Variants in CCDC57 observed in about 807,000 individuals in gnomAD.
CCDC57 encodes coiled-coil domain-containing protein 57.
A neutral mutation model predicts 118.9 loss-of-function variants in CCDC57; 118 were observed. That is an observed-to-expected ratio of 0.99 (90% CI 0.86 to 1.16). CCDC57 has a LOEUF of 1.16. Ranked by LOEUF, CCDC57 falls within the 50% of genes most tolerant of loss-of-function variation. CCDC57 has a pLI of 0.00. For missense variants in CCDC57, 1,300 were observed against 1,320.7 expected (o/e 0.98, Z 0.24); for synonymous variants, 527 against 532.9 (o/e 0.99, Z 0.15).
At chr17:82,157,431 G>A in intron 15 of CCDC57, 13 of 1,326,520 alleles carry the variant, frequency 9.8e-6, no homozygotes, top group Non-Finnish European at 1.3e-5. Context: ...AAGCAAACAT[G>A]AGCCACCTTC....
At chr17:82,195,926 G>A (rs1339167693) in intron 4 of CCDC57, among the ~76,000 whole-genome samples, 25 of 152,168 alleles carry the variant, frequency 1.6e-4, no homozygotes, top group Non-Finnish European at 2.5e-4. Flanking sequence ...AAAACGTCAC[G>A]TTTCCTTCTT....
chr17:82,184,379 C>T (rs1342982531), intron 8 of CCDC57, among the ~76,000 whole-genome samples: 4 of 152,198 alleles, frequency 2.6e-5, no homozygotes, highest in Non-Finnish European at 4.4e-5. Flanking sequence ...AGACATTCAG[C>T]ACATTTTCAA....
intron 13 of CCDC57, among the ~76,000 whole-genome samples, chr17:82,169,989 T>C (rs1242935482): frequency 6.6e-6 from 1 of 152,078 alleles, no homozygotes; most frequent in Non-Finnish European, 1.5e-5. Context: ...TAAAAAAATC[T>C]ATGACAAAGG....
intron 2 of CCDC57, among the ~76,000 whole-genome samples, chr17:82,203,064 G>C (rs975365900): frequency 1.3e-5 from 2 of 152,224 alleles, no homozygotes; most frequent in African/African-American, 4.8e-5. Flanking sequence ...GGGGGAGCTG[G>C]GGCCTGGTGG....
intron 16 of CCDC57, among the ~76,000 whole-genome samples, chr17:82,146,837 G>A (rs532706213): frequency 6.6e-5 from 10 of 152,108 alleles, no homozygotes; most frequent in Middle Eastern, 3.4e-3. Context: ...ACATACAAAC[G>A]CACATGCACA....
intron 8 of CCDC57, among the ~76,000 whole-genome samples, chr17:82,185,701 A>G (rs1226398065): frequency 6.7e-6 from 1 of 149,816 alleles, no homozygotes; most frequent in African/African-American, 2.5e-5. Flanking sequence ...CCAGCACAAA[A>G]CTGCTGAAAA....
chr17:82,127,325 C>G (rs2037597738), intron 19 of CCDC57: 1 of 985,142 alleles, frequency 1.0e-6, no homozygotes, highest in Admixed American at 6.2e-5. Flanking sequence ...CTAAAGTGCA[C>G]CAATGCCCAC....
At chr17:82,199,329 T>G (rs1439972754) in intron 3 of CCDC57, among the ~76,000 whole-genome samples, 2 of 151,248 alleles carry the variant, frequency 1.3e-5, no homozygotes, top group Non-Finnish European at 2.9e-5. Flanking sequence ...AATACAAAAA[T>G]TAGCCGGGCA....
At chr17:82,177,541 G>A (rs2045684692) in intron 11 of CCDC57, among the ~76,000 whole-genome samples, 2 of 152,132 alleles carry the variant, frequency 1.3e-5, no homozygotes, top group Non-Finnish European at 1.5e-5. Context: ...AAGCGAGACC[G>A]AGACCGTGTC....
chr17:82,210,499 C>T (rs536041683), intron 1 of CCDC57, among the ~76,000 whole-genome samples: 51 of 147,642 alleles, frequency 3.5e-4, no homozygotes, highest in African/African-American at 1.3e-3. Flanking sequence ...TGGTGAAACC[C>T]CGTCTCTACT....
chr17:82,127,407 C>A, intron 19 of CCDC57: 1 of 982,790 alleles, frequency 1.0e-6, no homozygotes, highest in African/African-American at 1.8e-5. Flanking sequence ...AGTCAGCCTG[C>A]GCCCGGGTGT....
chr17:82,210,993 T>TAA (rs1207759837), intron 1 of CCDC57, among the ~76,000 whole-genome samples: 1 of 68,854 alleles, frequency 1.5e-5, no homozygotes, highest in Non-Finnish European at 2.8e-5. Flanking sequence ...GACTCCGTCT[T>TAA]AAAAAAAAAA....
At chr17:82,190,816 T>A (rs1310683903) in intron 7 of CCDC57, among the ~76,000 whole-genome samples, 1 of 150,606 alleles carries the variant, frequency 6.6e-6, no homozygotes, top group Non-Finnish European at 1.5e-5. Context: ...ATAATGCCTC[T>A]AATTCAACCT....
chr17:82,177,133 G>A (rs1044999775), intron 11 of CCDC57, among the ~76,000 whole-genome samples: 11 of 151,884 alleles, frequency 7.2e-5, no homozygotes, highest in African/African-American at 1.9e-4. Flanking sequence ...TAATCTGAGC[G>A]CTTTGGGAGG....
At chr17:82,198,071 C>T (rs2048521092) in intron 4 of CCDC57, among the ~76,000 whole-genome samples, 1 of 152,152 alleles carries the variant, frequency 6.6e-6, no homozygotes, top group Admixed American at 6.5e-5. Context: ...CTGGAGAACC[C>T]TGACTAATCC....
chr17:82,198,316 G>T, exon 4 of CCDC57: 1 of 1,604,940 alleles, frequency 6.2e-7, no homozygotes, highest in South Asian at 1.1e-5. Flanking sequence ...GGCTCTACCT[G>T]TCTCTGCAGA....
intron 14 of CCDC57, among the ~76,000 whole-genome samples, 170 bp from the exon 14 acceptor site, chr17:82,158,118 C>T (rs931935339): frequency 1.4e-4 from 22 of 152,214 alleles, no homozygotes; most frequent in Admixed American, 1.2e-3. Context: ...CCCCCAACCA[C>T]GGCCACTGCT....
chr17:82,194,502 G>T (rs1185208336), intron 5 of CCDC57, among the ~76,000 whole-genome samples: 1 of 151,898 alleles, frequency 6.6e-6, no homozygotes, highest in Admixed American at 6.6e-5. Context: ...GTAGAGACAG[G>T]GTTTCCCATG....
chr17:82,189,882 C>T (rs529556058), intron 7 of CCDC57, among the ~76,000 whole-genome samples: 1 of 151,850 alleles, frequency 6.6e-6, no homozygotes, highest in Non-Finnish European at 1.5e-5. Flanking sequence ...TGGTGGCATG[C>T]GCCTGTAATC....
Sources: allele counts gnomAD v4.1 joint callset (sites outside exome capture counted in the v4.1 genomes callset), GRCh38; gene constraint gnomAD v4.1.1; transcripts MANE v1.5; gene names NCBI Gene and HGNC (gene_info 2026-07-23, HGNC 2026-07-21).